Variants in MTUS2 observed in about 807,000 individuals in gnomAD.
The protein encoded by MTUS2 is microtubule associated scaffold protein 2, also known as microtubule-associated tumor suppressor candidate 2.
Under a neutral mutation model 114.1 loss-of-function variants are expected in MTUS2, and 40 were observed. The observed-to-expected ratio is 0.35, with a 90% CI of 0.27 to 0.46. MTUS2 has a LOEUF of 0.46. MTUS2 is among the 20% of genes least tolerant of loss of function. The pLI, the probability that MTUS2 is intolerant of heterozygous loss-of-function variation, is 1.00. For synonymous variants in MTUS2, 688 were observed against 672.0 expected (o/e 1.02, Z -0.37); for missense variants, 1,679 against 1,705.4 (o/e 0.98, Z 0.27).
chr13:28,904,635 C>T (rs1879868186), intron 2 of MTUS2, among the ~76,000 whole-genome samples: 1 of 152,078 alleles, frequency 6.6e-6, no homozygotes, highest in African/African-American at 2.4e-5. Flanking sequence ...GTACCAGTAC[C>T]ATGCTGTTTT....
intron 2 of MTUS2, among the ~76,000 whole-genome samples, chr13:28,955,365 C>T (rs1239323098): frequency 6.6e-6 from 1 of 152,224 alleles, no homozygotes; most frequent in Non-Finnish European, 1.5e-5. Context: ...TTGTGTGGTA[C>T]AGCATTTAAG....
chr13:29,177,561 G>A (rs185972755), intron 5 of MTUS2, among the ~76,000 whole-genome samples: 94 of 152,156 alleles, frequency 6.2e-4, no homozygotes, highest in Admixed American at 1.3e-3. Flanking sequence ...TTCACTAGTC[G>A]ACACAGTGCT....
At chr13:29,064,221 A>G (rs1175930315) in intron 4 of MTUS2, among the ~76,000 whole-genome samples, 1 of 152,320 alleles carries the variant, frequency 6.6e-6, no homozygotes, top group Middle Eastern at 3.4e-3. Flanking sequence ...AGCGAGGTCC[A>G]TGCGGAAGGA....
chr13:29,134,925 T>C (rs1891915761), intron 5 of MTUS2, among the ~76,000 whole-genome samples: 2 of 152,322 alleles, frequency 1.3e-5, no homozygotes, highest in Non-Finnish European at 2.9e-5. Flanking sequence ...CCCCTTACTT[T>C]TCATTAATAT....
chr13:28,977,406 T>C (rs1884163330), intron 2 of MTUS2, among the ~76,000 whole-genome samples: 1 of 152,224 alleles, frequency 6.6e-6, no homozygotes, highest in African/African-American at 2.4e-5. Flanking sequence ...GCTAACAGGT[T>C]CAAATGACTT....
At chr13:29,488,060 T>G (rs1881763835) in intron 11 of MTUS2, 55 bp downstream of exon 11, 1 of 1,370,416 alleles carries the variant, frequency 7.3e-7, no homozygotes, top group South Asian at 1.2e-5. Flanking sequence ...ATCCGAGCCT[T>G]TCCTGCTGCA....
In MTUS2 at chr13:29,024,596, A is replaced by G. The variant is rs1256019309; in HGVS notation, c.-103A>G. 2.1e-6 allele frequency: 3 copies of G among 1,404,332 alleles called. No homozygotes were observed. Among genetic ancestry groups the G allele is most frequent in the South Asian group, 2.7e-5 (2 of 73,314 alleles). The allele number at this position is 1,404,332 out of a possible 1,614,324, so 87.0% of individuals were successfully genotyped here. A position where few individuals can be genotyped will look rare whatever the true frequency, so the allele number is the denominator to read the frequency against. ...CGCAAGGTGACATTGTCAGGGGAGA[A>G]CAAGCAGCTTGAGAATTTCCTCTTA... On this transcript the variant is annotated 5_prime_UTR_variant, in exon 3 of 16. Transcript: ENST00000612955.
chr13:29,231,196 G>T (rs1209815978), intron 5 of MTUS2, among the ~76,000 whole-genome samples: 1 of 152,128 alleles, frequency 6.6e-6, no homozygotes, highest in Non-Finnish European at 1.5e-5. Context: ...ATAAAATGTT[G>T]TTATTGAATA....
At chr13:29,012,625 G>A (rs988659949) in intron 2 of MTUS2, among the ~76,000 whole-genome samples, 1 of 151,936 alleles carries the variant, frequency 6.6e-6, no homozygotes, top group Non-Finnish European at 1.5e-5. Context: ...TGTAATCCCA[G>A]CACTTTGGGA....
At chr13:29,384,215 C>G (rs1412572630) in intron 8 of MTUS2, among the ~76,000 whole-genome samples, 1 of 152,194 alleles carries the variant, frequency 6.6e-6, no homozygotes, top group Non-Finnish European at 1.5e-5. Flanking sequence ...AAGAAACTTT[C>G]GTAGTGCAAC....
chr13:29,480,190 G>A lies in MTUS2; in HGVS notation c.3225G>A (p.Lys1075=). Residue 1075 remains lysine, a synonymous_variant, in exon 10 of 16, where the codon AAG becomes AAA. Transcript: ENST00000612955. This position sits in a 1 kb window ranked among gnomAD's most constrained non-coding sequence, Gnocchi z 4.4. ...AGTGCGAGAAACTACAAAAGGAGAA[G>A]GAGGAGCTGGAGAGGCGGTTCGAGG... ...TAKCEKLQKE[K]EELERRFEDE... is the part of the protein sequence containing the mutation. 1.3e-6 allele frequency: 2 copies of A among 1,556,868 alleles called. No homozygotes were observed. The highest frequency in any genetic ancestry group is 8.7e-7 in the Non-Finnish European group (1 of 1,149,842).
At chr13:29,397,549 C>A (rs1048353763) in intron 8 of MTUS2, among the ~76,000 whole-genome samples, 1 of 152,240 alleles carries the variant, frequency 6.6e-6, no homozygotes, top group Non-Finnish European at 1.5e-5. Context: ...CAGTCAGAAT[C>A]TGCATTCTAG....
chr13:29,263,886 C>A (rs1897569480), intron 5 of MTUS2, among the ~76,000 whole-genome samples: 1 of 152,102 alleles, frequency 6.6e-6, no homozygotes, highest in Admixed American at 6.5e-5. Flanking sequence ...ATCATCCCAC[C>A]CCTGGCCTCC....
chr13:29,358,164 T>A (rs1869909366), intron 7 of MTUS2, among the ~76,000 whole-genome samples: 1 of 152,116 alleles, frequency 6.6e-6, no homozygotes, highest in Non-Finnish European at 1.5e-5. Context: ...GCCTTTGAGA[T>A]GTAAGCCCAT....
chr13:29,494,766 C>T (rs188569147), intron 12 of MTUS2, among the ~76,000 whole-genome samples: 107 of 152,116 alleles, frequency 7.0e-4, no homozygotes, highest in African/African-American at 2.3e-3. Flanking sequence ...AGGCTGGGCA[C>T]GGTGGCTTAT....
chr13:29,372,762 C>G (rs1456955472), intron 8 of MTUS2, among the ~76,000 whole-genome samples: 3 of 152,072 alleles, frequency 2.0e-5, no homozygotes, highest in Non-Finnish European at 4.4e-5. Context: ...TCAATAGAAG[C>G]TCCTCAGAAT....
At chr13:28,941,565 G>A (rs1882239310) in intron 2 of MTUS2, among the ~76,000 whole-genome samples, 1 of 151,528 alleles carries the variant, frequency 6.6e-6, no homozygotes, top group Non-Finnish European at 1.5e-5. Flanking sequence ...TTTGGTGAAT[G>A]TTTAGCTTAA....
At chr13:28,874,263 A>AGT in intron 2 of MTUS2, among the ~76,000 whole-genome samples, 1 of 152,168 alleles carries the variant, frequency 6.6e-6, no homozygotes, top group Non-Finnish European at 1.5e-5. Flanking sequence ...GGCCTCCCAA[A>AGT]GTGCAGGATT....
chr13:28,895,230 T>C (rs894272267), intron 2 of MTUS2, among the ~76,000 whole-genome samples: 1 of 152,226 alleles, frequency 6.6e-6, no homozygotes, highest in Non-Finnish European at 1.5e-5. Flanking sequence ...TGCAGTTTCA[T>C]GGGCCTCTGA....
Sources: gnomAD v4.1 joint callset for allele counts (sites outside exome capture counted in the v4.1 genomes callset) on GRCh38, gnomAD v4.1.1 for gene constraint, Gnocchi (gnomAD v3.1) non-coding constraint, MANE v1.5 for transcripts, NCBI Gene and HGNC (gene_info 2026-07-23, HGNC 2026-07-21) for gene names.